Variants in ASPRV1 observed in about 807,000 individuals in gnomAD.
ASPRV1 encodes aspartic peptidase retroviral like 1.
In ASPRV1, 7 loss-of-function variants were observed where a neutral mutation model predicts 11.0. That is an observed-to-expected ratio of 0.64 (90% CI 0.36 to 1.20). The LOEUF is 1.20. Ranked by LOEUF, ASPRV1 falls within the 50% of genes most tolerant of loss-of-function variation. The pLI, the probability that ASPRV1 is intolerant of heterozygous loss-of-function variation, is 0.02. For synonymous variants in ASPRV1, 136 were observed against 138.4 expected, an observed-to-expected ratio of 0.98 and a Z score of 0.12; for missense variants, 299 against 320.0, an observed-to-expected ratio of 0.93 and a Z score of 0.50.
At chr2:70,047,531 A>G in the ASPRV1 span, among the ~76,000 whole-genome samples, 6 of 152,240 alleles carry the variant, frequency 3.9e-5, no homozygotes, top group African/African-American at 1.4e-4. Context: ...AAAATTGTCT[A>G]CTGACAGAAA....
upstream of ASPRV1, chr2:69,962,942 T>G: frequency 9.2e-5 from 21 of 227,648 alleles, no homozygotes; most frequent in East Asian, 5.2e-4. Context: ...CAAACAGGAG[T>G]GATTAAGGAT....
At chr2:70,025,895 C>A in the ASPRV1 span, among the ~76,000 whole-genome samples, 5 of 152,122 alleles carry the variant, frequency 3.3e-5, no homozygotes, top group South Asian at 6.2e-4. Context: ...ATGGACCATA[C>A]CAGAAGTTTG....
At chr2:69,944,145 T>G in the ASPRV1 span, among the ~76,000 whole-genome samples, 2 of 152,204 alleles carry the variant, frequency 1.3e-5, no homozygotes, top group Non-Finnish European at 2.9e-5. Flanking sequence ...GGTCACAACC[T>G]CAACAAAAGC....
the ASPRV1 span, chr2:70,016,132 G>A: frequency 6.6e-6 from 1 of 152,136 alleles, no homozygotes; most frequent in Non-Finnish European, 1.5e-5. Flanking sequence ...AGTGCACATG[G>A]AACATTCTTG....
the ASPRV1 span, chr2:69,975,395 G>C: frequency 6.6e-6 from 1 of 152,570 alleles, no homozygotes; most frequent in East Asian, 1.9e-4. Flanking sequence ...GCTGCCCCTC[G>C]GCCTCCCTGC....
the ASPRV1 span, among the ~76,000 whole-genome samples, chr2:69,944,223 T>C: frequency 6.6e-6 from 1 of 152,252 alleles, no homozygotes; most frequent in African/African-American, 2.4e-5. Context: ...GAACTGTAGA[T>C]AATTAGAAAG....
chr2:70,059,045 G>A, the ASPRV1 span, among the ~76,000 whole-genome samples: 2 of 150,630 alleles, frequency 1.3e-5, no homozygotes, highest in Non-Finnish European at 3.0e-5. Context: ...CCGCCACTAC[G>A]CCCGGCTAAT....
the ASPRV1 span, among the ~76,000 whole-genome samples, chr2:70,028,848 A>G: frequency 2.0e-5 from 3 of 152,104 alleles, no homozygotes; most frequent in African/African-American, 7.2e-5. Context: ...AGGCTGAGGC[A>G]GGAGAATCAT....
the ASPRV1 span, among the ~76,000 whole-genome samples, chr2:69,969,893 TA>T: frequency 1.4e-5 from 2 of 142,184 alleles, no homozygotes; most frequent in African/African-American, 6.0e-5. Flanking sequence ...CTAATTCTCT[TA>T]AATTTTTTTT....
chr2:70,078,935 G>A, the ASPRV1 span, among the ~76,000 whole-genome samples: 1 of 152,190 alleles, frequency 6.6e-6, no homozygotes, highest in Non-Finnish European at 1.5e-5. Flanking sequence ...GGCAGGTGGT[G>A]GGAAGTGTTT....
the ASPRV1 span, among the ~76,000 whole-genome samples, chr2:69,974,627 GATCT>G: frequency 1.4e-4 from 22 of 152,266 alleles, no homozygotes; most frequent in African/African-American, 5.1e-4. Context: ...ATATTTTTCA[GATCT>G]ATCAGCGAAA....
At chr2:70,034,081 G>T in the ASPRV1 span, among the ~76,000 whole-genome samples, 4 of 151,138 alleles carry the variant, frequency 2.6e-5, no homozygotes, top group African/African-American at 7.3e-5. Flanking sequence ...GTGAACCCCG[G>T]GGGGTGGAGC....
the ASPRV1 span, among the ~76,000 whole-genome samples, chr2:70,064,351 G>A: frequency 6.6e-6 from 1 of 151,970 alleles, no homozygotes; most frequent in African/African-American, 2.4e-5. Flanking sequence ...CTGCTGATAA[G>A]CTTTGACTAG....
chr2:69,995,004 A>T, the ASPRV1 span, among the ~76,000 whole-genome samples: 1 of 151,624 alleles, frequency 6.6e-6, no homozygotes, highest in Non-Finnish European at 1.5e-5. Flanking sequence ...TCCGTCTCAA[A>T]AAATAAATAA....
the ASPRV1 span, chr2:69,940,578 G>T: frequency 6.6e-6 from 1 of 152,578 alleles, no homozygotes; most frequent in African/African-American, 2.4e-5. Context: ...GAGTTAAACT[G>T]CATTTTTGTC....
chr2:69,961,259 C>T lies in ASPRV1; in HGVS notation c.178G>A (p.Gly60Arg). 1 of 1,614,126 alleles carries T rather than the reference C, an allele frequency of 6.2e-7. No homozygotes were observed. Among genetic ancestry groups the T allele is most frequent in the South Asian group, 1.1e-5 (1 of 91,074 alleles). ...CTATTGTAGACACCCAGGGCCTCTC[C>T]TCTGAGGGACTCTTTCAGGAACCTT... is the stretch of plus-strand genomic sequence containing the variant. Reference protein sequence around the residue: ...KLRFLKESLRGEALGVYNRLS... With the variant: ...KLRFLKESLRREALGVYNRLS... The change falls in exon 1 of 1, where the codon GGA (glycine) becomes AGA (arginine). Residue 60 changes from glycine (G) to arginine (R), a missense_variant. By Grantham distance (125) the Gly-to-Arg change is moderately radical. Transcript: ENST00000320256.
chr2:70,000,918 G>C, the ASPRV1 span, among the ~76,000 whole-genome samples: 2 of 149,148 alleles, frequency 1.3e-5, no homozygotes, highest in East Asian at 2.0e-4. Context: ...GTAATAAAAA[G>C]AGAAAAGGAA....
At chr2:69,944,450 G>T in the ASPRV1 span, among the ~76,000 whole-genome samples, 2 of 152,170 alleles carry the variant, frequency 1.3e-5, no homozygotes, top group South Asian at 4.1e-4. Context: ...GGAGGGGAGC[G>T]CTAGCATTAT....
At chr2:69,995,019 AT>A in the ASPRV1 span, among the ~76,000 whole-genome samples, 4 of 150,344 alleles carry the variant, frequency 2.7e-5, no homozygotes, top group African/African-American at 9.9e-5. Context: ...AAATAAATAA[AT>A]TAATTAATTA....
Sources: gnomAD v4.1 joint callset for allele counts (sites outside exome capture counted in the v4.1 genomes callset) on GRCh38, gnomAD v4.1.1 for gene constraint, MANE v1.5 for transcripts, NCBI Gene and HGNC (gene_info 2026-07-23, HGNC 2026-07-21) for gene names.